The following SCAND3 variants were observed in gnomAD, a reference collection of about 807,000 sequenced individuals.
SCAND3 encodes SCAN domain-containing protein 3.
the SCAND3 span, among the ~76,000 whole-genome samples, chr6:28,574,062 A>G: frequency 1.3e-5 from 2 of 152,162 alleles, no homozygotes; most frequent in Non-Finnish European, 2.9e-5. Context: ...GTGTTTGACT[A>G]GTGTGTAACT....
At chr6:28,595,065 C>T in the SCAND3 span, among the ~76,000 whole-genome samples, 6 of 151,016 alleles carry the variant, frequency 4.0e-5, no homozygotes, top group Admixed American at 2.0e-4. Context: ...CTGGGAACAT[C>T]GAAGATAGAA....
the SCAND3 span, chr6:28,573,573 T>C: frequency 1.9e-6 from 3 of 1,613,304 alleles, no homozygotes; most frequent in Non-Finnish European, 2.5e-6. Flanking sequence ...GTTTTGATGG[T>C]TTCATTGCTT....
chr6:28,586,776 G>T, the SCAND3 span: 2 of 1,441,522 alleles, frequency 1.4e-6, no homozygotes, highest in South Asian at 1.3e-5. The surrounding 1 kb of genome is among the most constrained non-coding windows in gnomAD (Gnocchi z 4.4). Flanking sequence ...GCAAATGGGT[G>T]ATTTTACTTG....
chr6:28,589,856 G>GTTTTTTTTTTTTTTTTTT, the SCAND3 span: 2 of 116,552 alleles, frequency 1.7e-5, no homozygotes, highest in African/African-American at 6.1e-5. Context: ...TTTTTTGTTT[G>GTTTTTTTTTTTTTTTTTT]TTTTTTTTTT....
the SCAND3 span, among the ~76,000 whole-genome samples, chr6:28,585,972 CTAGA>C: frequency 1.3e-5 from 2 of 152,042 alleles, no homozygotes; most frequent in Non-Finnish European, 2.9e-5. Flanking sequence ...GTAACAGAGC[CTAGA>C]TAGCTTCAAA....
the SCAND3 span, among the ~76,000 whole-genome samples, chr6:28,600,711 A>T: frequency 5.3e-5 from 8 of 152,186 alleles, no homozygotes; most frequent in Non-Finnish European, 1.0e-4. Flanking sequence ...TGGATCATAA[A>T]TCGAACAACT....
chr6:28,600,899 C>CTTT, the SCAND3 span, among the ~76,000 whole-genome samples: 1,784 of 119,652 alleles, frequency 0.015, 64 homozygotes, highest in African/African-American at 0.033. Context: ...CAACATGTGC[C>CTTT]TTTTTTTTTT....
chr6:28,607,214 C>A, the SCAND3 span, among the ~76,000 whole-genome samples: 1 of 152,172 alleles, frequency 6.6e-6, no homozygotes, highest in Non-Finnish European at 1.5e-5. Flanking sequence ...CGGGTTCAAT[C>A]CCCGGCACCT....
At chr6:28,616,150 AG>A in the SCAND3 span, 1 of 152,280 alleles carries the variant, frequency 6.6e-6, no homozygotes, top group Non-Finnish European at 1.5e-5. This position sits in a 1 kb window ranked among gnomAD's most constrained non-coding sequence, Gnocchi z 4.3. Flanking sequence ...GGTAGAAGGA[AG>A]GCCAACCGCC....
the SCAND3 span, chr6:28,574,891 A>G: frequency 6.2e-7 from 1 of 1,614,026 alleles, no homozygotes; most frequent in Non-Finnish European, 8.5e-7. Context: ...TTTTTCACAA[A>G]CTACACAGGA....
the SCAND3 span, among the ~76,000 whole-genome samples, chr6:28,576,725 A>G: frequency 6.6e-6 from 1 of 152,134 alleles, no homozygotes; most frequent in South Asian, 2.1e-4. Flanking sequence ...TATGTAAAAT[A>G]GGATGCAAAT....
At chr6:28,598,631 G>A in the SCAND3 span, among the ~76,000 whole-genome samples, 1 of 151,546 alleles carries the variant, frequency 6.6e-6, no homozygotes, top group Admixed American at 6.6e-5. Flanking sequence ...TATCACTTGA[G>A]GTCAGGAGTT....
the SCAND3 span, among the ~76,000 whole-genome samples, chr6:28,610,530 GAA>G: frequency 2.0e-5 from 3 of 151,748 alleles, no homozygotes; most frequent in African/African-American, 4.8e-5. Flanking sequence ...AAAAAAGAAA[GAA>G]AGAGAGAGAG....
chr6:28,578,750 C>T, the SCAND3 span, among the ~76,000 whole-genome samples: 1 of 152,132 alleles, frequency 6.6e-6, no homozygotes, highest in Admixed American at 6.6e-5. Flanking sequence ...AACATTGTAT[C>T]CATTTTACCT....
At chr6:28,592,852 G>T in the SCAND3 span, among the ~76,000 whole-genome samples, 1 of 152,004 alleles carries the variant, frequency 6.6e-6, no homozygotes, top group Non-Finnish European at 1.5e-5. This position sits in a 1 kb window ranked among gnomAD's most constrained non-coding sequence, Gnocchi z 4.1. Context: ...GGGAAAACTG[G>T]TTATCCACAT....
At chr6:28,603,027 A>C in the SCAND3 span, among the ~76,000 whole-genome samples, 25 of 134,020 alleles carry the variant, frequency 1.9e-4, 1 homozygote, top group African/African-American at 7.4e-4. Context: ...CAGTGGCGCG[A>C]TCTCGGCTCA....
At chr6:28,589,969 C>G in the SCAND3 span, 2 of 151,738 alleles carry the variant, frequency 1.3e-5, no homozygotes, top group African/African-American at 2.4e-5. Context: ...CTCTAGTCCC[C>G]TGTACTTCTT....
chr6:28,578,118 C>T, the SCAND3 span, among the ~76,000 whole-genome samples: 15 of 152,206 alleles, frequency 9.9e-5, no homozygotes, highest in Admixed American at 3.3e-4. Context: ...CAAGTGAACC[C>T]GTTTGGTTCT....
the SCAND3 span, among the ~76,000 whole-genome samples, chr6:28,599,026 G>T: frequency 6.6e-6 from 1 of 151,636 alleles, no homozygotes; most frequent in African/African-American, 2.4e-5. Flanking sequence ...ATTTATATTA[G>T]CACCAAAAAA....
Sources: allele counts gnomAD v4.1 joint callset (sites outside exome capture counted in the v4.1 genomes callset), GRCh38; gene constraint gnomAD v4.1.1; non-coding constraint Gnocchi (gnomAD v3.1); transcripts MANE v1.5; gene names NCBI Gene and HGNC (gene_info 2026-07-23, HGNC 2026-07-21).